Variants in RABGAP1L observed in about 807,000 individuals in gnomAD.
The protein encoded by RABGAP1L is RAB GTPase activating protein 1 like.
A neutral mutation model predicts 137.7 loss-of-function variants in RABGAP1L; 63 were observed. That is an observed-to-expected ratio of 0.46 (90% confidence interval 0.37 to 0.56). The LOEUF (loss-of-function observed/expected upper bound fraction) is 0.56, where lower values mean the gene tolerates loss of function less well. Among genes scored for constraint, RABGAP1L ranks in the 20% least tolerant of loss-of-function variants. The pLI, the probability that RABGAP1L is intolerant of heterozygous loss-of-function variation, is 0.00. For missense variants in RABGAP1L, 1,095 were observed against 1,244.0 expected (o/e 0.88, Z 1.80); for synonymous variants, 431 against 433.7 (o/e 0.99, Z 0.08).
intron 1 of RABGAP1L, among the ~76,000 whole-genome samples, chr1:174,177,940 C>G (rs1408507790): frequency 3.3e-5 from 5 of 152,140 alleles, no homozygotes; most frequent in Non-Finnish European, 5.9e-5. Flanking sequence ...GTTCTTTTTG[C>G]TTAAGGTTGT....
At chr1:174,409,786 C>T (rs1179053976) in intron 13 of RABGAP1L, among the ~76,000 whole-genome samples, 1 of 152,160 alleles carries the variant, frequency 6.6e-6, no homozygotes, top group African/African-American at 2.4e-5. Flanking sequence ...TCCTGCCGTA[C>T]CCTCAGGCTT....
At chr1:174,465,953 A>T (rs1657250531) in intron 13 of RABGAP1L, among the ~76,000 whole-genome samples, 4 of 152,224 alleles carry the variant, frequency 2.6e-5, no homozygotes, top group Admixed American at 2.6e-4. Context: ...AGACACAAAA[A>T]TTTAGACCTT....
intron 20 of RABGAP1L, among the ~76,000 whole-genome samples, chr1:174,962,210 C>A (rs981872338): frequency 1.8e-4 from 24 of 133,398 alleles, no homozygotes; most frequent in Non-Finnish European, 3.0e-4. Flanking sequence ...CCCCCCCACA[C>A]ACACACACAG....
rs539081055 is a variant in RABGAP1L, at chr1:174,951,347, A to T, written c.2341-6110A>T. Among the ~76,000 whole-genome samples, 5 of 152,290 alleles carry T rather than the reference A, an allele frequency of 3.3e-5. No individual in the cohort carries two copies. In the East Asian group the frequency reaches 7.7e-4, roughly 23 times the overall value. On this transcript the variant is annotated intron_variant, in intron 19 of 25. Transcript: ENST00000681986. ...ATTTCTGTATGATCTTGGGCAAGTT[A>T]CCTATCCTCAACTTATTTGTAAAAT...
At chr1:174,612,773 G>T (rs948535262) in intron 13 of RABGAP1L, among the ~76,000 whole-genome samples, 7 of 152,136 alleles carry the variant, frequency 4.6e-5, no homozygotes, top group African/African-American at 1.2e-4. Flanking sequence ...CTTCTTCCTG[G>T]TTTAGTCTTG....
At chr1:174,495,331 TCCC>T (rs1259780787) in intron 13 of RABGAP1L, among the ~76,000 whole-genome samples, 1 of 152,016 alleles carries the variant, frequency 6.6e-6, no homozygotes, top group Non-Finnish European at 1.5e-5. Context: ...ATACTTTTTT[TCCC>T]CCCAAGTTTT....
At chr1:174,615,245 G>A (rs1671701209) in intron 13 of RABGAP1L, among the ~76,000 whole-genome samples, 1 of 152,204 alleles carries the variant, frequency 6.6e-6, no homozygotes, top group South Asian at 2.1e-4. Flanking sequence ...GTTATGTACA[G>A]ATGGGTTTTT....
intron 13 of RABGAP1L, among the ~76,000 whole-genome samples, chr1:174,621,095 C>T (rs184898583): frequency 1.8e-3 from 276 of 152,032 alleles, no homozygotes; most frequent in Non-Finnish European, 1.7e-3. Context: ...GAAGAACTCC[C>T]ATTCATAATT....
chr1:174,494,732 C>G (rs146249355), intron 13 of RABGAP1L, among the ~76,000 whole-genome samples: 15 of 152,280 alleles, frequency 9.9e-5, no homozygotes, highest in African/African-American at 3.4e-4. Context: ...TGCTCCGACT[C>G]TACCTTTCAC....
chr1:174,631,546 C>T (rs1673379927), intron 13 of RABGAP1L, among the ~76,000 whole-genome samples: 1 of 85,526 alleles, frequency 1.2e-5, no homozygotes, highest in South Asian at 4.6e-4. Flanking sequence ...TTGTAGGTCA[C>T]TCAGGACTTG....
At chr1:174,613,281 T>A (rs1266743478) in intron 13 of RABGAP1L, among the ~76,000 whole-genome samples, 31 of 152,222 alleles carry the variant, frequency 2.0e-4, no homozygotes, top group East Asian at 7.7e-4. Flanking sequence ...GGTTTCAAAG[T>A]ACATCTTTAT....
chr1:174,227,165 C>A (rs1191938227), intron 3 of RABGAP1L, among the ~76,000 whole-genome samples: 1 of 150,868 alleles, frequency 6.6e-6, no homozygotes, highest in Non-Finnish European at 1.5e-5. Context: ...AAATATTTAT[C>A]ATATGACCCT....
intron 19 of RABGAP1L, among the ~76,000 whole-genome samples, chr1:174,899,728 C>G (rs773693938): frequency 6.6e-6 from 1 of 152,094 alleles, no homozygotes; most frequent in Non-Finnish European, 1.5e-5. Context: ...TCTAATGACT[C>G]CTATGTCTAT....
intron 1 of RABGAP1L, among the ~76,000 whole-genome samples, chr1:174,174,532 A>G (rs977207008): frequency 9.9e-5 from 15 of 152,206 alleles, no homozygotes; most frequent in African/African-American, 3.4e-4. Context: ...AACTAGGGAA[A>G]CCAGTAGCTC....
intron 17 of RABGAP1L, among the ~76,000 whole-genome samples, chr1:174,751,107 T>C (rs1573026770): frequency 2.0e-5 from 3 of 152,210 alleles, no homozygotes; most frequent in Admixed American, 2.0e-4. Context: ...ATTATACTTA[T>C]TTCCTATTGC....
chr1:174,510,878 C>A (rs754873358), intron 13 of RABGAP1L, among the ~76,000 whole-genome samples: 1 of 152,130 alleles, frequency 6.6e-6, no homozygotes, highest in Non-Finnish European at 1.5e-5. Context: ...ATTTTCAAGG[C>A]AAACTAATTT....
intron 20 of RABGAP1L, among the ~76,000 whole-genome samples, chr1:174,967,972 T>C (rs1040032847): frequency 6.6e-6 from 1 of 151,614 alleles, no homozygotes; most frequent in South Asian, 2.1e-4. Flanking sequence ...GTGGCTGGTA[T>C]AATCAAGGTG....
chr1:174,434,631 T>C (rs1193804736), intron 13 of RABGAP1L, among the ~76,000 whole-genome samples: 1 of 152,224 alleles, frequency 6.6e-6, no homozygotes, highest in Non-Finnish European at 1.5e-5. Context: ...ACCAACATTG[T>C]ACTGTCAGTC....
intron 13 of RABGAP1L, among the ~76,000 whole-genome samples, chr1:174,613,754 A>G (rs1341836103): frequency 5.3e-5 from 8 of 152,210 alleles, no homozygotes; most frequent in African/African-American, 1.9e-4. Flanking sequence ...TATTGGGTGC[A>G]TATATATTTA....
Sources: gnomAD v4.1 joint callset for allele counts (sites outside exome capture counted in the v4.1 genomes callset) on GRCh38, gnomAD v4.1.1 for gene constraint, MANE v1.5 for transcripts, NCBI Gene and HGNC (gene_info 2026-07-23, HGNC 2026-07-21) for gene names.